TRIO: variants seen among roughly 807,000 people sequenced by gnomAD.
TRIO encodes the protein trio Rho guanine nucleotide exchange factor, also known as triple functional domain protein.
Under a neutral mutation model 351.9 loss-of-function variants are expected in TRIO, and 58 were observed. The observed-to-expected ratio is 0.16, with a 90% CI of 0.13 to 0.21. TRIO has a LOEUF of 0.21. Ranked by LOEUF, TRIO falls within the 10% of genes least tolerant of loss-of-function variation. The probability of loss-of-function intolerance (pLI) is 1.00; values close to 1 mark genes in which losing one functional copy is unlikely to be tolerated. For missense variants in TRIO, 3,201 were observed against 4,027.8 expected (o/e 0.79, Z 5.56); for synonymous variants, 1,758 against 1,595.7 (o/e 1.10, Z -2.42).
chr5:14,231,025 T>C (rs1793393043), intron 1 of TRIO, among the ~76,000 whole-genome samples: 1 of 152,232 alleles, frequency 6.6e-6, no homozygotes, highest in Admixed American at 6.5e-5. Flanking sequence ...CTAGTTCTTG[T>C]GTTTAGTTCT....
chr5:14,492,717 G>C lies in TRIO; in HGVS notation c.7783G>C (p.Ala2595Pro). ...QQNMFLVFRA[A>P]TDQCPAAEGW... ...GAACATGTTTCTGGTGTTCCGAGCCGCCACTGACCAGTGCCCCGCAGCTGA... is the reference window on the plus strand; with the variant it reads ...GAACATGTTTCTGGTGTTCCGAGCCCCCACTGACCAGTGCCCCGCAGCTGA... The change falls in exon 49 of 57, where the codon GCC becomes CCC. Residue 2595 changes from alanine to proline, a missense_variant. This residue lies in a region of TRIO where 1,089 missense variants were observed against 954.9 expected (regional missense o/e 1.14). Transcript: ENST00000344204. The C allele has an allele frequency of 6.2e-7, 1 of 1,614,106 alleles. No individual in the cohort carries two copies. Among genetic ancestry groups the C allele is most frequent in the African/African-American group, 1.3e-5 (1 of 75,042 alleles).
At chr5:14,148,948 G>A (rs1429122841) in intron 1 of TRIO, among the ~76,000 whole-genome samples, 1 of 152,226 alleles carries the variant, frequency 6.6e-6, no homozygotes, top group Admixed American at 6.5e-5. Flanking sequence ...TCCTATTCCA[G>A]TTCTGCTGAC....
At chr5:14,161,281 G>A (rs1401890376) in intron 1 of TRIO, among the ~76,000 whole-genome samples, 1 of 152,134 alleles carries the variant, frequency 6.6e-6, no homozygotes, top group East Asian at 1.9e-4. Context: ...TGGACTTCTT[G>A]CCCCTGTTGG....
chr5:14,498,673 C>G lies in TRIO; in HGVS notation c.8332+33C>G, dbSNP rs761253293. 5 of 1,600,558 alleles carry G rather than the reference C, an allele frequency of 3.1e-6. No individual in the cohort carries two copies. The African/African-American group carries it at 5.4e-5, about 17-fold the overall frequency. ...CCGTGCAACGAGGATTCTACGTGAC[C>G]CAGTGGGGCACGTCTTTCAGGAGTC... On this transcript the variant is annotated intron_variant, in intron 53 of 56. Transcript: ENST00000344204.
chr5:14,314,135 G>C (rs1739170043), intron 8 of TRIO, among the ~76,000 whole-genome samples: 4 of 152,160 alleles, frequency 2.6e-5, no homozygotes, highest in African/African-American at 9.7e-5. Flanking sequence ...TGGAGCAGTA[G>C]CTCTCAGTTC....
intron 13 of TRIO, among the ~76,000 whole-genome samples, chr5:14,363,476 T>C (rs1744331562): frequency 6.6e-6 from 1 of 152,186 alleles, no homozygotes; most frequent in African/African-American, 2.4e-5. Flanking sequence ...AGAAAAATTA[T>C]TTATCTTCTC....
At position 14,358,237 on chromosome 5, in the gene TRIO, G is replaced by A. The variant is rs546203627; in HGVS notation, c.2106G>A (p.Ser702=). The change falls in exon 12 of 57, where the codon TCG becomes TCA. Residue 702 remains serine (S), a synonymous_variant. Coordinates refer to ENST00000344204, the MANE Select transcript of TRIO (RefSeq NM_007118.4). The part of the protein sequence containing the change: ...KELLDDVYAE[S]VEAVQDLIKR... ...TGCTGGACGACGTGTATGCCGAGTC[G>A]GTGGAGGCCGTGCAGGACCTCATCA... 8.7e-6 allele frequency: 14 copies of A among 1,614,162 alleles called. No individual in the cohort carries two copies. The highest frequency in any genetic ancestry group is 8.0e-5 in the African/African-American group (6 of 75,040).
chr5:14,314,209 C>G (rs367868534), intron 8 of TRIO, among the ~76,000 whole-genome samples: 2 of 152,306 alleles, frequency 1.3e-5, no homozygotes, highest in East Asian at 1.9e-4. Flanking sequence ...TGATCCTGAA[C>G]TAAAATGCAT....
Position 14,427,584 on chromosome 5 carries a change from C to G in TRIO, c.5203+7563C>G, listed in dbSNP as rs542591812. 5.9e-5 allele frequency among the ~76,000 whole-genome samples: 9 copies of G among 152,318 alleles called. No individual in the cohort carries two copies. In the South Asian group the frequency reaches 1.9e-3, roughly 32 times the overall value. ...AGGACAGAGAAGCCCTTCACTGGCC[C>G]ACCCAGGGCAGTTGACAGAGGGATG... On this transcript the variant is annotated intron_variant, in intron 34 of 56. Transcript: ENST00000344204.
At chr5:14,243,751 TTTAA>T (rs763391402) in intron 1 of TRIO, among the ~76,000 whole-genome samples, 7 of 152,246 alleles carry the variant, frequency 4.6e-5, no homozygotes, top group South Asian at 2.1e-4. Flanking sequence ...GCATTTTTTC[TTTAA>T]TTGTGTACAT....
rs1579744243 is a variant in TRIO, at chr5:14,468,114, T to G, written c.5763+2474T>G. Among the ~76,000 whole-genome samples the G allele has an allele frequency of 2.6e-5, 4 of 152,170 alleles. 1 individual carries two copies. The highest frequency in any genetic ancestry group is 2.6e-4 in the Admixed American group (4 of 15,264). On this transcript the variant is annotated intron_variant, in intron 37 of 56. Coordinates refer to ENST00000344204, the MANE Select transcript of TRIO (RefSeq NM_007118.4). ...GTATTGCATTTTATGTGGTCTGTGA[T>G]TCATTTGTAATTAATTCACGTGGAC...
chr5:14,288,759 C>G (rs1412573251), intron 4 of TRIO, among the ~76,000 whole-genome samples: 1 of 152,106 alleles, frequency 6.6e-6, no homozygotes, highest in Non-Finnish European at 1.5e-5. Flanking sequence ...CCTCTTCTAC[C>G]TCTGCTGCCT....
chr5:14,497,592 T>A lies in TRIO; in HGVS notation c.8020-255T>A, dbSNP rs914541137. On this transcript the variant is annotated intron_variant, in intron 50 of 56. Transcript: ENST00000344204. The surrounding 1 kb of genome is among the most constrained non-coding windows in gnomAD (Gnocchi z 4.4). ...ATTAGGAACGCATCTGAGGACCAGC[T>A]GGACTCAGCCTGTAGCATGAGAAAA... 6.6e-6 allele frequency among the ~76,000 whole-genome samples: 1 copy of A among 152,220 alleles called. No homozygotes were observed. Among genetic ancestry groups the A allele is most frequent in the Admixed American group, 6.5e-5 (1 of 15,280 alleles).
chr5:14,224,789 G>A (rs1792877395), intron 1 of TRIO, among the ~76,000 whole-genome samples: 1 of 152,016 alleles, frequency 6.6e-6, no homozygotes, highest in African/African-American at 2.4e-5. Context: ...AGAGAATAAC[G>A]AAGAACTGAG....
chr5:14,207,319 CACACACA>C (rs1191711335), intron 1 of TRIO, among the ~76,000 whole-genome samples: 281 of 15,680 alleles, frequency 0.018, 99 homozygotes, highest in Middle Eastern at 0.071. Context: ...GACTGTCTCT[CACACACA>C]CACACACACA....
intron 49 of TRIO, among the ~76,000 whole-genome samples, chr5:14,493,224 G>GGAGCGTGCGGAGATGTTGGCATA (rs564977583): frequency 0.012 from 1,897 of 152,202 alleles, 44 homozygotes; most frequent in African/African-American, 0.043. Flanking sequence ...GGACCAGTAG[G>GGAGCGTGCGGAGATGTTGGCATA]GAGCGTGCGG....
chr5:14,269,951 C>T (rs776510030), intron 1 of TRIO, among the ~76,000 whole-genome samples: 4 of 152,170 alleles, frequency 2.6e-5, no homozygotes, highest in Non-Finnish European at 4.4e-5. Context: ...ATCCCTGAAC[C>T]TAGATGACCT....
intron 37 of TRIO, among the ~76,000 whole-genome samples, chr5:14,467,077 T>C (rs1754316645): frequency 6.6e-6 from 1 of 152,222 alleles, no homozygotes; most frequent in Non-Finnish European, 1.5e-5. Flanking sequence ...AAAACTTGAC[T>C]AGCCACTAAG....
intron 23 of TRIO, among the ~76,000 whole-genome samples, chr5:14,388,116 A>G (rs958606468): frequency 6.6e-6 from 1 of 152,208 alleles, no homozygotes; most frequent in African/African-American, 2.4e-5. Context: ...CACTAAGGAG[A>G]GGAAATTAAT....
Sources: allele counts gnomAD v4.1 joint callset (sites outside exome capture counted in the v4.1 genomes callset), GRCh38; gene constraint gnomAD v4.1.1; regional missense constraint gnomAD v4.1.1; non-coding constraint Gnocchi (gnomAD v3.1); transcripts MANE v1.5; gene names NCBI Gene and HGNC (gene_info 2026-07-23, HGNC 2026-07-21).